CEP126: variants seen among roughly 807,000 people sequenced by gnomAD.
The protein encoded by CEP126 is centrosomal protein of 126 kDa.
A neutral mutation model predicts 107.8 loss-of-function variants in CEP126; 74 were observed. The observed-to-expected ratio is 0.69, with a 90% CI of 0.57 to 0.83. CEP126 has a LOEUF of 0.83. Among genes scored for constraint, CEP126 ranks in the 40% least tolerant of loss-of-function variants. CEP126 has a pLI of 0.00. For missense variants in CEP126, 1,237 were observed against 1,281.9 expected (o/e 0.96, Z 0.53); for synonymous variants, 449 against 446.0 (o/e 1.01, Z -0.08).
chr11:101,975,832 G>T (rs1446016846), intron 6 of CEP126, among the ~76,000 whole-genome samples: 1 of 152,120 alleles, frequency 6.6e-6, no homozygotes, highest in African/African-American at 2.4e-5. Flanking sequence ...GTGAGAACAT[G>T]CAGTATTTGG....
intron 4 of CEP126, among the ~76,000 whole-genome samples, chr11:101,951,997 G>A (rs1012184321): frequency 6.6e-6 from 1 of 152,136 alleles, no homozygotes; most frequent in South Asian, 2.1e-4. Context: ...TACTCATGTT[G>A]GAGGTATTCA....
intron 4 of CEP126, among the ~76,000 whole-genome samples, chr11:101,950,521 T>C (rs765960778): frequency 1.3e-5 from 2 of 152,236 alleles, no homozygotes; most frequent in Admixed American, 6.5e-5. Context: ...TACATTATAA[T>C]ACTGTTTGTT....
chr11:101,984,725 A>G (rs1941296333), intron 8 of CEP126, among the ~76,000 whole-genome samples: 1 of 152,242 alleles, frequency 6.6e-6, no homozygotes, highest in South Asian at 2.1e-4. Flanking sequence ...AGACATTGTA[A>G]ATGAGGCAAA....
At chr11:101,996,305 G>A (rs896522726) in intron 10 of CEP126, among the ~76,000 whole-genome samples, 19 of 152,318 alleles carry the variant, frequency 1.2e-4, no homozygotes, top group African/African-American at 4.6e-4. Flanking sequence ...AGATTTCCCT[G>A]CAAGCTTCAA....
At position 101,969,404 on chromosome 11, in the gene CEP126, G is replaced by C. The variant is rs141886037; in HGVS notation, c.2845+5524G>C. Among the ~76,000 whole-genome samples the C allele has an allele frequency of 2.6e-4, 39 of 152,290 alleles. No individual in the cohort carries two copies. In the East Asian group the frequency reaches 4.6e-3, roughly 18 times the overall value. On this transcript the variant is annotated intron_variant, in intron 6 of 10. Transcript: ENST00000263468. ...AGAGGATTTGCTTGACTTCTACACA[G>C]AAGGCTATAACACTGTTGAGAGAAC...
intron 4 of CEP126, among the ~76,000 whole-genome samples, chr11:101,950,615 A>G (rs1002411381): frequency 6.6e-6 from 1 of 152,228 alleles, no homozygotes; most frequent in African/African-American, 2.4e-5. Flanking sequence ...GAAGTACAGC[A>G]TTGAAGGTAG....
At chr11:101,928,032 G>A (rs1008255209) in intron 2 of CEP126, among the ~76,000 whole-genome samples, 1 of 152,042 alleles carries the variant, frequency 6.6e-6, no homozygotes, top group Non-Finnish European at 1.5e-5. Flanking sequence ...CTAGCATTTG[G>A]TATTGTCACT....
At chr11:101,937,166 T>A (rs976028939) in intron 2 of CEP126, among the ~76,000 whole-genome samples, 1 of 152,228 alleles carries the variant, frequency 6.6e-6, no homozygotes, top group South Asian at 2.1e-4. Context: ...TTTGTGTACA[T>A]TGAACCATCA....
rs955523711 is a variant in CEP126 at position 101,915,062 on chromosome 11, T to C, written c.-223T>C. ...GCTGCAGGGTTGCTGCCGCCCCATC[T>C]GCTATTGCCCGGCGAGGTCGCCGCT... On this transcript the variant is annotated 5_prime_UTR_variant, in exon 1 of 11. Coordinates refer to ENST00000263468, the MANE Select transcript of CEP126 (RefSeq NM_020802.4). 2.6e-5 allele frequency: 14 copies of C among 533,494 alleles called. No homozygotes were observed. The highest frequency in any genetic ancestry group is 4.1e-5 in the Non-Finnish European group (13 of 314,770). The allele number at this position is 533,494 out of a possible 1,614,324, so 33.0% of individuals were successfully genotyped here. A position where few individuals can be genotyped will look rare whatever the true frequency, so the allele number is the denominator to read the frequency against.
chr11:101,942,114 T>G lies in CEP126; in HGVS notation c.249-2151T>G, dbSNP rs890530661. Among the ~76,000 whole-genome samples, 5 of 152,108 alleles carry G rather than the reference T, an allele frequency of 3.3e-5. No homozygotes were observed. In the South Asian group the frequency reaches 1.0e-3, roughly 31 times the overall value. ...TTACTGTGTTGATGGTGTCCTTGGA[T>G]CCACAAAAGTTTTTAATTTTGATGA... On this transcript the variant is annotated intron_variant, in intron 2 of 10. Transcript: ENST00000263468.
At chr11:101,990,357 A>G (rs1280525868) in intron 9 of CEP126, among the ~76,000 whole-genome samples, 3 of 152,172 alleles carry the variant, frequency 2.0e-5, no homozygotes, top group Admixed American at 1.3e-4. Flanking sequence ...AATAAAGGCC[A>G]TCTGGGACAG....
chr11:101,977,889 G>A (rs77492467), intron 6 of CEP126, among the ~76,000 whole-genome samples: 4 of 152,198 alleles, frequency 2.6e-5, no homozygotes, highest in South Asian at 2.1e-4. Flanking sequence ...AACCTCTCAC[G>A]CTTGGAATTT....
At chr11:101,921,932 C>T (rs542321577) in intron 1 of CEP126, among the ~76,000 whole-genome samples, 156 of 148,144 alleles carry the variant, frequency 1.1e-3, no homozygotes, top group African/African-American at 3.6e-3. Context: ...ATTACAGGTA[C>T]CCGCCACCAC....
chr11:101,921,942 C>T (rs567789463), intron 1 of CEP126, among the ~76,000 whole-genome samples: 58 of 150,814 alleles, frequency 3.8e-4, no homozygotes, highest in Middle Eastern at 3.5e-3. Flanking sequence ...CCCGCCACCA[C>T]GCCCGCCTAA....
chr11:101,965,144 T>G (rs1463568833), intron 6 of CEP126, among the ~76,000 whole-genome samples: 1 of 152,164 alleles, frequency 6.6e-6, no homozygotes, highest in Non-Finnish European at 1.5e-5. Context: ...CTCATAAAAC[T>G]TCTTTCCTTC....
intron 6 of CEP126, among the ~76,000 whole-genome samples, chr11:101,964,165 T>C (rs989460390): frequency 1.3e-5 from 2 of 151,332 alleles, no homozygotes; most frequent in African/African-American, 4.9e-5. Flanking sequence ...TAGCCCGGCA[T>C]GGTGGTGCGT....
Position 101,999,932 on chromosome 11 carries a change from C to T in CEP126, c.*2289C>T, listed in dbSNP as rs977957694. The T allele has an allele frequency of 6.6e-6, 1 of 152,360 alleles. No homozygotes were observed. The highest frequency in any genetic ancestry group is 2.4e-5 in the African/African-American group (1 of 41,418). The allele number at this position is 152,360 out of a possible 1,614,324, so 9.4% of individuals were successfully genotyped here. A position where few individuals can be genotyped will look rare whatever the true frequency, so the allele number is the denominator to read the frequency against. Reference sequence around the variant, plus strand: ...GCACGGTAGCTTATGCCTGTAATCTCAGCACTTTGGGAGGCCAAGGCAGGC... The same window carrying T: ...GCACGGTAGCTTATGCCTGTAATCTTAGCACTTTGGGAGGCCAAGGCAGGC... On this transcript the variant is annotated 3_prime_UTR_variant, in exon 11 of 11. Coordinates refer to ENST00000263468, the MANE Select transcript of CEP126 (RefSeq NM_020802.4).
chr11:101,950,738 T>G (rs1940800729), intron 4 of CEP126, among the ~76,000 whole-genome samples: 1 of 152,190 alleles, frequency 6.6e-6, no homozygotes, highest in Non-Finnish European at 1.5e-5. Flanking sequence ...AAATAGAACT[T>G]ATTCAGAGTG....
At chr11:101,949,657 C>T (rs751035199) in intron 4 of CEP126, among the ~76,000 whole-genome samples, 1 of 152,110 alleles carries the variant, frequency 6.6e-6, no homozygotes, top group Non-Finnish European at 1.5e-5. Flanking sequence ...AAATAGTTTA[C>T]AGAGATCAAA....
Sources: gnomAD v4.1 joint callset for allele counts (sites outside exome capture counted in the v4.1 genomes callset) on GRCh38, gnomAD v4.1.1 for gene constraint, MANE v1.5 for transcripts, NCBI Gene and HGNC (gene_info 2026-07-23, HGNC 2026-07-21) for gene names.